The following ODAD2 variants were observed in gnomAD, a reference collection of about 807,000 sequenced individuals.
The protein encoded by ODAD2 is outer dynein arm docking complex subunit 2, also known as outer dynein arm-docking complex subunit 2.
In ODAD2, 89 loss-of-function variants were observed where a neutral mutation model predicts 106.8. The observed-to-expected ratio is 0.83, with a 90% CI of 0.70 to 0.99. The LOEUF is 0.99. Among genes scored for constraint, ODAD2 ranks in the 50% least tolerant of loss-of-function variants. The probability of loss-of-function intolerance (pLI) is 0.00; values close to 1 mark genes in which losing one functional copy is unlikely to be tolerated. For missense variants in ODAD2, 1,168 were observed against 1,238.5 expected (o/e 0.94, Z 0.85); for synonymous variants, 404 against 436.2 (o/e 0.93, Z 0.92).
At chr10:27,954,006 T>C (rs1281460296) in intron 10 of ODAD2, among the ~76,000 whole-genome samples, 1 of 152,160 alleles carries the variant, frequency 6.6e-6, no homozygotes, top group Non-Finnish European at 1.5e-5. Flanking sequence ...AAAAGGGACA[T>C]GGAGTTTAAT....
At chr10:27,923,807 G>C (rs1844962024) in intron 16 of ODAD2, among the ~76,000 whole-genome samples, 1 of 151,838 alleles carries the variant, frequency 6.6e-6, no homozygotes, top group African/African-American at 2.4e-5. Flanking sequence ...AAATTAGCTG[G>C]ATGTGGAGGC....
chr10:27,919,863 A>G (rs1045389282), intron 16 of ODAD2, among the ~76,000 whole-genome samples: 10 of 152,162 alleles, frequency 6.6e-5, no homozygotes, highest in African/African-American at 2.4e-4. Flanking sequence ...ATGTTTTATA[A>G]TTACTTTTGC....
chr10:27,876,115 G>T (rs1172364928), intron 17 of ODAD2, among the ~76,000 whole-genome samples: 1 of 152,172 alleles, frequency 6.6e-6, no homozygotes, highest in South Asian at 2.1e-4. Context: ...CTCCACATCT[G>T]GGGGCAGGGC....
At chr10:27,983,764 T>C (rs1033667817) in intron 6 of ODAD2, 79 bp downstream of exon 6, 3 of 1,358,944 alleles carry the variant, frequency 2.2e-6, no homozygotes, top group African/African-American at 1.5e-5. Flanking sequence ...TCTGTGGTCA[T>C]TGGGACACAC....
chr10:27,853,413 G>T, intron 19 of ODAD2: 1 of 231,722 alleles, frequency 4.3e-6, no homozygotes, highest in Non-Finnish European at 8.4e-6. Context: ...CTAACTATAT[G>T]CTGCCTACTA....
intron 6 of ODAD2, among the ~76,000 whole-genome samples, chr10:27,982,620 G>A (rs547430718): frequency 6.6e-6 from 1 of 152,258 alleles, no homozygotes; most frequent in East Asian, 1.9e-4. Context: ...ATAACTATAG[G>A]TAATCAGAAA....
chr10:27,948,801 TTTG>T (rs1347602812), intron 10 of ODAD2, among the ~76,000 whole-genome samples: 4 of 147,054 alleles, frequency 2.7e-5, no homozygotes, highest in African/African-American at 1.0e-4. Flanking sequence ...TTTTTTTTTT[TTTG>T]CAATTGACAT....
Position 27,860,596 on chromosome 10 carries a change from G to A in ODAD2, c.3021+29C>T, listed in dbSNP as rs16928371. The A allele has an allele frequency of 4.2e-3, 6,734 of 1,600,726 alleles. 262 individuals carry two copies. The African/African-American group carries it at 0.078, about 19-fold the overall frequency. ...TTCCAGGCTACATTTACCAAACTTG[G>A]ACTAAACCACAAAGTCATTCAACTG... On this transcript the variant is annotated intron_variant, in intron 19 of 19. Coordinates refer to ENST00000305242, the MANE Select transcript of ODAD2 (RefSeq NM_018076.5).
chr10:27,851,717 C>T (rs1032039162), intron 19 of ODAD2, among the ~76,000 whole-genome samples: 7 of 151,976 alleles, frequency 4.6e-5, no homozygotes, highest in African/African-American at 7.2e-5. Context: ...GTGAAAGTGG[C>T]GTTTACAAGG....
intron 18 of ODAD2, among the ~76,000 whole-genome samples, chr10:27,861,335 A>C (rs1231418477): frequency 6.6e-6 from 1 of 152,206 alleles, no homozygotes; most frequent in Non-Finnish European, 1.5e-5. Flanking sequence ...ACCAACGTTC[A>C]ATCTTGAGTT....
intron 16 of ODAD2, among the ~76,000 whole-genome samples, chr10:27,934,261 T>C (rs1845808502): frequency 6.6e-6 from 1 of 151,938 alleles, no homozygotes; most frequent in East Asian, 1.9e-4. Context: ...AGCATGAAAA[T>C]GGACTAATAC....
chr10:27,888,494 T>G (rs1842373956), intron 17 of ODAD2, among the ~76,000 whole-genome samples: 2 of 152,178 alleles, frequency 1.3e-5, no homozygotes, highest in South Asian at 4.1e-4. Flanking sequence ...ATTCATGTTC[T>G]TTGCCCTCTT....
chr10:27,998,965 C>G (rs1850726189), intron 1 of ODAD2, 29 bp downstream of exon 1: 1 of 156,764 alleles, frequency 6.4e-6, no homozygotes, highest in Admixed American at 6.5e-5. Flanking sequence ...CCAGCCTCAC[C>G]CGGCCGCGAC....
chr10:27,845,848 G>T (rs1437461271), intron 19 of ODAD2, among the ~76,000 whole-genome samples: 1 of 152,070 alleles, frequency 6.6e-6, no homozygotes, highest in Non-Finnish European at 1.5e-5. Flanking sequence ...GATGGTAAAG[G>T]GATCAATTCA....
chr10:27,901,573 A>T (rs1843205662), intron 17 of ODAD2, among the ~76,000 whole-genome samples: 1 of 152,210 alleles, frequency 6.6e-6, no homozygotes. Context: ...GACCCATCTT[A>T]CGTGCAAAGA....
chr10:27,993,844 C>T (rs1259028051), intron 2 of ODAD2, among the ~76,000 whole-genome samples: 1 of 152,020 alleles, frequency 6.6e-6, no homozygotes, highest in Non-Finnish European at 1.5e-5. Flanking sequence ...GAAGCTTTGG[C>T]TAGCTAGGGA....
intron 2 of ODAD2, among the ~76,000 whole-genome samples, chr10:27,993,163 C>T (rs148205943): frequency 1.3e-5 from 2 of 152,232 alleles, no homozygotes; most frequent in Admixed American, 6.5e-5. Context: ...GATCTGCCCA[C>T]CTCGGCCTTT....
intron 16 of ODAD2, among the ~76,000 whole-genome samples, chr10:27,924,614 G>GAAAAAAAAAAAAAAAAAAAAA (rs60226782): frequency 7.9e-5 from 1 of 12,648 alleles, no homozygotes; most frequent in African/African-American, 4.3e-4. Context: ...TGATTAGGAG[G>GAAAAAAAAAAAAAAAAAAAAA]AAAAAAAAAA....
At chr10:27,860,532 T>C (rs1839963700) in intron 19 of ODAD2, 93 bp downstream of exon 19, 1 of 1,190,540 alleles carries the variant, frequency 8.4e-7, no homozygotes, top group East Asian at 2.4e-5. Flanking sequence ...TGTCTCTGAA[T>C]ACCTCCTTTA....
Sources: gnomAD v4.1 joint callset for allele counts (sites outside exome capture counted in the v4.1 genomes callset) on GRCh38, gnomAD v4.1.1 for gene constraint, MANE v1.5 for transcripts, NCBI Gene and HGNC (gene_info 2026-07-23, HGNC 2026-07-21) for gene names.